Variants in CCBE1 observed in about 807,000 individuals in gnomAD.
CCBE1 encodes collagen and calcium binding EGF domains 1.
Under a neutral mutation model 50.0 loss-of-function variants are expected in CCBE1, and 37 were observed. The ratio of observed to expected loss-of-function variants is 0.74; its 90% CI spans 0.57 to 0.97. The LOEUF is 0.97. CCBE1 is among the 50% of genes least tolerant of loss of function. The pLI, the probability that CCBE1 is intolerant of heterozygous loss-of-function variation, is 0.00. For synonymous variants in CCBE1, 234 were observed against 203.7 expected (o/e 1.15, Z -1.27); for missense variants, 538 against 523.8 (o/e 1.03, Z -0.26).
chr18:59,438,579 G>A (rs1910265382), intron 9 of CCBE1, among the ~76,000 whole-genome samples: 1 of 152,208 alleles, frequency 6.6e-6, no homozygotes, highest in Non-Finnish European at 1.5e-5. Context: ...ATCCCGTAAA[G>A]CAACACTGGT....
intron 2 of CCBE1, among the ~76,000 whole-genome samples, chr18:59,491,069 A>G (rs1282644919): frequency 2.0e-5 from 3 of 152,206 alleles, no homozygotes; most frequent in East Asian, 1.9e-4. Flanking sequence ...CTGGGCATTT[A>G]TTTATTTTGA....
intron 2 of CCBE1, among the ~76,000 whole-genome samples, chr18:59,664,550 T>C (rs1266680169): frequency 1.3e-5 from 2 of 152,208 alleles, no homozygotes; most frequent in Admixed American, 6.5e-5. Context: ...AAGGGCCTAC[T>C]ACACATACAC....
chr18:59,599,493 T>C (rs1003595828), intron 2 of CCBE1, among the ~76,000 whole-genome samples: 1 of 152,228 alleles, frequency 6.6e-6, no homozygotes, highest in Non-Finnish European at 1.5e-5. Flanking sequence ...GCTCATTTCC[T>C]TAATCCTCAT....
intron 5 of CCBE1, chr18:59,462,615 C>G (rs1195713881): frequency 6.6e-6 from 1 of 152,090 alleles, no homozygotes; most frequent in Non-Finnish European, 1.5e-5. Flanking sequence ...TCTCGAACAG[C>G]TCAAACGATC....
intron 2 of CCBE1, among the ~76,000 whole-genome samples, chr18:59,630,140 G>A (rs547392725): frequency 6.6e-6 from 1 of 152,290 alleles, no homozygotes; most frequent in East Asian, 1.9e-4. Flanking sequence ...CGGCAAAGCT[G>A]TGACAAGCAG....
At chr18:59,542,769 C>G (rs1282217632) in intron 2 of CCBE1, among the ~76,000 whole-genome samples, 1 of 152,170 alleles carries the variant, frequency 6.6e-6, no homozygotes, top group African/African-American at 2.4e-5. Context: ...TTCCTCCCCG[C>G]AGGCAGTAAT....
chr18:59,530,026 T>C (rs1914987241), intron 2 of CCBE1, among the ~76,000 whole-genome samples: 2 of 152,224 alleles, frequency 1.3e-5, no homozygotes. Context: ...GGCTATACAG[T>C]AAGGATCAAG....
intron 2 of CCBE1, among the ~76,000 whole-genome samples, chr18:59,576,246 G>A (rs1023890339): frequency 6.6e-6 from 1 of 152,196 alleles, no homozygotes; most frequent in Non-Finnish European, 1.5e-5. Flanking sequence ...CAAGTTTTGT[G>A]AGTGTGTGTG....
chr18:59,672,278 C>T (rs1343400773), intron 2 of CCBE1, among the ~76,000 whole-genome samples: 1 of 152,128 alleles, frequency 6.6e-6, no homozygotes, highest in African/African-American at 2.4e-5. Context: ...GGTAACTTGC[C>T]TGCAGTAAGC....
intron 2 of CCBE1, among the ~76,000 whole-genome samples, chr18:59,512,921 A>C (rs1291180441): frequency 6.6e-6 from 1 of 152,236 alleles, no homozygotes; most frequent in East Asian, 1.9e-4. Flanking sequence ...GGCAGGAGAC[A>C]TCAGAGCACC....
In CCBE1 at chr18:59,435,912, G is replaced by T. The variant is rs747358738; in HGVS notation, c.1217C>A (p.Pro406Gln). 6.2e-6 allele frequency: 10 copies of T among 1,613,198 alleles called. No individual in the cohort carries two copies. The highest frequency in any genetic ancestry group is 8.5e-6 in the Non-Finnish European group (10 of 1,179,296). The change falls in exon 11 of 11, where the codon CCA becomes CAA. Residue 406 changes from proline to glutamine, a missense_variant. By Grantham distance (76) the Pro-to-Gln change is moderately conservative. Transcript: ENST00000439986. ...GCGTGACGGTGTTGGGATGTGCTAT[G>T]GGTAGAAGTCTCTGGGGGCTCTCAA... ...RDLRAPRDFY[P>Q]
intron 2 of CCBE1, among the ~76,000 whole-genome samples, chr18:59,484,420 C>A (rs557764507): frequency 6.6e-6 from 1 of 152,176 alleles, no homozygotes; most frequent in Non-Finnish European, 1.5e-5. Context: ...TGTTTGATGG[C>A]GTTTTAAAGT....
At chr18:59,667,759 A>G (rs2054376113) in intron 2 of CCBE1, among the ~76,000 whole-genome samples, 1 of 152,228 alleles carries the variant, frequency 6.6e-6, no homozygotes, top group Non-Finnish European at 1.5e-5. Flanking sequence ...AACTCAGGAC[A>G]CAAAGCAGGA....
intron 2 of CCBE1, among the ~76,000 whole-genome samples, chr18:59,692,086 T>A (rs1049824367): frequency 6.6e-6 from 1 of 152,200 alleles, no homozygotes; most frequent in Non-Finnish European, 1.5e-5. Flanking sequence ...GAAAATAGCA[T>A]CTGCAAACGA....
At chr18:59,488,845 A>G (rs1912952204) in intron 2 of CCBE1, among the ~76,000 whole-genome samples, 1 of 152,166 alleles carries the variant, frequency 6.6e-6, no homozygotes, top group Non-Finnish European at 1.5e-5. Context: ...AGCACATGTA[A>G]AAAGACATCT....
intron 2 of CCBE1, among the ~76,000 whole-genome samples, chr18:59,640,283 T>C (rs1432282951): frequency 6.6e-6 from 1 of 152,046 alleles, no homozygotes; most frequent in African/African-American, 2.4e-5. Context: ...CCAAAACAGA[T>C]ACACAGACCA....
chr18:59,570,505 C>A (rs779953464), intron 2 of CCBE1, among the ~76,000 whole-genome samples: 4 of 152,140 alleles, frequency 2.6e-5, no homozygotes, highest in Non-Finnish European at 5.9e-5. Context: ...CTGGATTCTG[C>A]GAGACTTTGC....
intron 5 of CCBE1, among the ~76,000 whole-genome samples, chr18:59,460,040 T>TG (rs1911386798): frequency 6.6e-6 from 1 of 152,240 alleles, no homozygotes; most frequent in African/African-American, 2.4e-5. Context: ...TAATTACTAT[T>TG]GGAGCCAACA....
chr18:59,471,960 C>G (rs992036363), intron 3 of CCBE1, among the ~76,000 whole-genome samples: 14 of 152,220 alleles, frequency 9.2e-5, no homozygotes, highest in African/African-American at 3.1e-4. Context: ...GCCAGGAGTT[C>G]AAGACCAGCC....
Sources: allele counts gnomAD v4.1 joint callset (sites outside exome capture counted in the v4.1 genomes callset), GRCh38; gene constraint gnomAD v4.1.1; transcripts MANE v1.5; gene names NCBI Gene and HGNC (gene_info 2026-07-23, HGNC 2026-07-21).